The following COQ7 variants were observed in gnomAD, a reference collection of about 807,000 sequenced individuals.
COQ7 encodes coenzyme Q7, hydroxylase, also known as NADPH-dependent 3-demethoxyubiquinone 3-hydroxylase, mitochondrial.
In COQ7, 21 loss-of-function variants were observed where a neutral mutation model predicts 25.0. That is an observed-to-expected ratio of 0.84 (90% CI 0.60 to 1.21). COQ7 has a LOEUF of 1.21. COQ7 is among the 50% of genes most tolerant of loss of function. COQ7 has a pLI of 0.00. For synonymous variants in COQ7, 125 were observed against 112.4 expected (o/e 1.11, Z -0.71); for missense variants, 311 against 296.2 (o/e 1.05, Z -0.37).
rs763325148 is a variant in COQ7 at position 19,075,913 on chromosome 16, G to A, written c.507+53G>A. ...TGCTCAAGGAGGAAAATGGCAGATA[G>A]CAATTGGGTAAGAGGAAAACATGTT... On this transcript the variant is annotated intron_variant, in intron 4 of 5. Coordinates refer to ENST00000321998, the MANE Select transcript of COQ7 (RefSeq NM_016138.5). 2.6e-4 allele frequency: 420 copies of A among 1,611,026 alleles called. 1 individual carries two copies. The highest frequency in any genetic ancestry group is 3.4e-4 in the Non-Finnish European group (395 of 1,177,898).
chr16:19,069,236 G>A (rs1165548086), intron 1 of COQ7, among the ~76,000 whole-genome samples: 3 of 152,122 alleles, frequency 2.0e-5, no homozygotes, highest in African/African-American at 7.2e-5. Flanking sequence ...TCCGAGGGTT[G>A]TTGAATGTGA....
intron 3 of COQ7, among the ~76,000 whole-genome samples, chr16:19,074,360 A>G (rs1375837190): frequency 6.6e-6 from 1 of 151,886 alleles, no homozygotes; most frequent in Non-Finnish European, 1.5e-5. Context: ...CCCCGACTCT[A>G]TTAAAAATAC....
chr16:19,076,375 A>G (rs1332554866), intron 4 of COQ7, among the ~76,000 whole-genome samples: 1 of 150,366 alleles, frequency 6.7e-6, no homozygotes, highest in Non-Finnish European at 1.5e-5. Flanking sequence ...AATTATAGGC[A>G]TGAACCACCA....
rs772649165 is a variant in COQ7, at chr16:19,079,771, C to A, written c.*1613C>A. The A allele has an allele frequency of 2.0e-5, 3 of 152,192 alleles. No individual in the cohort carries two copies. Among genetic ancestry groups the A allele is most frequent in the Non-Finnish European group, 4.4e-5 (3 of 68,048 alleles). The allele number at this position is 152,192 out of a possible 1,614,324, so 9.4% of individuals were successfully genotyped here. On this transcript the variant is annotated 3_prime_UTR_variant, in exon 6 of 6. Transcript: ENST00000321998. ...ACCTGATGACTTGGCAGGACTTGCC[C>A]CACCAGGGTCTGGCTTTGAAGGGTA...
intron 1 of COQ7, among the ~76,000 whole-genome samples, chr16:19,069,409 CTTTT>C (rs67523316): frequency 1.7e-5 from 2 of 119,346 alleles, no homozygotes; most frequent in East Asian, 2.5e-4. Context: ...TGATTATTGC[CTTTT>C]TTTTTTTTTT....
intron 1 of COQ7, among the ~76,000 whole-genome samples, chr16:19,070,029 C>T (rs1962474414): frequency 6.6e-6 from 1 of 152,094 alleles, no homozygotes; most frequent in Admixed American, 6.6e-5. Context: ...AGCAGTCCAC[C>T]TGCCTCAGCT....
chr16:19,073,941 G>T lies in COQ7; in HGVS notation c.273G>T (p.Lys91Asn). ...PVIQKMWDQE[K>N]DHLKKFNELM... ...TGCAGAAAATGTGGGATCAAGAAAAGGACCATTTGAAAAAGTTCAATGAGT... is the reference window on the plus strand; with the variant it reads ...TGCAGAAAATGTGGGATCAAGAAAATGACCATTTGAAAAAGTTCAATGAGT... Residue 91 changes from lysine (K) to asparagine (N), a missense_variant, in exon 3 of 6, where the codon AAG (lysine) becomes AAT (asparagine). Physicochemically the swap from Lys to Asn is moderately conservative, Grantham distance 94. Coordinates refer to ENST00000321998, the MANE Select transcript of COQ7 (RefSeq NM_016138.5). 6.2e-7 allele frequency: 1 copy of T among 1,613,722 alleles called. No individual in the cohort carries two copies. The highest frequency in any genetic ancestry group is 8.5e-7 in the Non-Finnish European group (1 of 1,179,802).
chr16:19,068,648 T>C (rs1177124133), intron 1 of COQ7: 2 of 242,080 alleles, frequency 8.3e-6, no homozygotes, highest in African/African-American at 2.8e-5. Flanking sequence ...CGAGACTTTG[T>C]CTCCCCCGCG....
chr16:19,071,980 CA>C lies in COQ7; in HGVS notation c.128del (p.Asn43IlefsTer10), dbSNP rs761062764. 9 of 1,614,220 alleles carry C rather than the reference CA, an allele frequency of 5.6e-6. No individual in the cohort carries two copies. The South Asian group carries it at 9.9e-5, about 18-fold the overall frequency. ...TTCGCAGTTCAGGAATGACTTTAGA[CA>C]ATATCAGTCGGGCAGCTGTGGATCG... ...RFRSSGMTLD[N>X]ISRAAVDRII... On this transcript the variant is annotated frameshift_variant, in exon 2 of 6. Transcript: ENST00000321998. LOFTEE classifies it high-confidence loss of function.
At chr16:19,068,177 GC>G in intron 1 of COQ7, 5 of 1,031,690 alleles carry the variant, frequency 4.8e-6, no homozygotes, top group Non-Finnish European at 5.8e-6. Context: ...AGATTCTCGG[GC>G]CCCACCCCGA....
Position 19,075,839 on chromosome 16 carries a change from A to C in COQ7, c.486A>C (p.Glu162Asp). The change falls in exon 4 of 6, where the codon GAA becomes GAC. Residue 162 changes from glutamate to aspartate, a missense_variant. Transcript: ENST00000321998. The part of the protein sequence containing the change: ...QIRTLMEEDP[E>D]KYEELLQLIK... ...GGACGCTGATGGAGGAGGACCCTGAAAAATACGAGGAACTTCTTCAGGTAT... is the reference window on the plus strand; with the variant it reads ...GGACGCTGATGGAGGAGGACCCTGACAAATACGAGGAACTTCTTCAGGTAT... 1 of 1,614,230 alleles carries C rather than the reference A, an allele frequency of 6.2e-7. No individual in the cohort carries two copies. Among genetic ancestry groups the C allele is most frequent in the Non-Finnish European group, 8.5e-7 (1 of 1,180,040 alleles).
In COQ7 at chr16:19,071,943, C is replaced by A; in HGVS notation, c.89C>A (p.Thr30Asn). Residue 30 changes from threonine (T) to asparagine (N), a missense_variant, in exon 2 of 6, where the codon ACC becomes AAC. By Grantham distance (65) the Thr-to-Asn change is moderately conservative. Coordinates refer to ENST00000321998, the MANE Select transcript of COQ7 (RefSeq NM_016138.5). ...RRSLSAYGRR[T>N]SVRFRSSGMT... The stretch of plus-strand genomic sequence containing the variant: ...TGCATTTCAGCTTATGGAAGAAGAA[C>A]CAGTGTCAGATTTCGCAGTTCAGGA... 2.5e-6 allele frequency: 4 copies of A among 1,614,184 alleles called. No individual in the cohort carries two copies. Among genetic ancestry groups the A allele is most frequent in the Non-Finnish European group, 3.4e-6 (4 of 1,180,022 alleles).
intron 1 of COQ7, 190 bp from the exon 2 acceptor site, chr16:19,071,738 C>A: frequency 3.3e-6 from 2 of 611,932 alleles, no homozygotes; most frequent in South Asian, 2.0e-5. Context: ...AAAGTGAAAC[C>A]AGAAATCCAG....
At chr16:19,081,940 T>C (rs577053292), downstream of COQ7, among the ~76,000 whole-genome samples, 1 of 152,106 alleles carries the variant, frequency 6.6e-6, no homozygotes, top group Non-Finnish European at 1.5e-5. Flanking sequence ...TGGATCAATA[T>C]TCTAGAGGAG....
At chr16:19,081,871 A>G (rs1167098479), downstream of COQ7, among the ~76,000 whole-genome samples, 1 of 152,226 alleles carries the variant, frequency 6.6e-6, no homozygotes, top group Admixed American at 6.5e-5. Context: ...TGAACCAACC[A>G]GTGATCTCTG....
In COQ7 at chr16:19,071,941, A is replaced by C; in HGVS notation, c.87A>C (p.Arg29Ser). 1.2e-6 allele frequency: 2 copies of C among 1,614,236 alleles called. No individual in the cohort carries two copies. The highest frequency in any genetic ancestry group is 1.7e-6 in the Non-Finnish European group (2 of 1,180,044). ...CTTGCATTTCAGCTTATGGAAGAAG[A>C]ACCAGTGTCAGATTTCGCAGTTCAG... ...ARRSLSAYGR[R>S]TSVRFRSSGM... Residue 29 changes from arginine (R) to serine (S), a missense_variant, in exon 2 of 6, where the codon AGA becomes AGC. By Grantham distance (110) the Arg-to-Ser change is moderately radical. Coordinates refer to ENST00000321998, the MANE Select transcript of COQ7 (RefSeq NM_016138.5).
In COQ7 at chr16:19,078,142, T is replaced by C; in HGVS notation, c.638T>C (p.Leu213Ser). The C allele has an allele frequency of 6.2e-7, 1 of 1,611,838 alleles. No individual in the cohort carries two copies. The highest frequency in any genetic ancestry group is 8.5e-7 in the Non-Finnish European group (1 of 1,179,008). ...GCCGGATGCAGAGTGGCGATATATT[T>C]ATCAGAAAGATTATAAAGTGTGTCC... Reference protein sequence around the residue: ...IQAGCRVAIYLSERL With the variant: ...IQAGCRVAIYSSERL Residue 213 changes from leucine (L) to serine (S), a missense_variant, in exon 6 of 6, where the codon TTA becomes TCA. Transcript: ENST00000321998.
downstream of COQ7, among the ~76,000 whole-genome samples, chr16:19,080,318 C>T (rs1292184160): frequency 6.6e-6 from 1 of 152,032 alleles, no homozygotes; most frequent in Non-Finnish European, 1.5e-5. Context: ...TTTTTGTTTG[C>T]CTTGCAAATA....
chr16:19,069,371 T>C (rs1459415777), intron 1 of COQ7, among the ~76,000 whole-genome samples: 1 of 152,058 alleles, frequency 6.6e-6, no homozygotes, highest in Admixed American at 6.6e-5. Flanking sequence ...TTTATTATTG[T>C]ATGTTTTCCC....
Sources: gnomAD v4.1 joint callset for allele counts (sites outside exome capture counted in the v4.1 genomes callset) on GRCh38, gnomAD v4.1.1 for gene constraint, MANE v1.5 for transcripts, NCBI Gene and HGNC (gene_info 2026-07-23, HGNC 2026-07-21) for gene names.